SLC25A13: variants seen among roughly 807,000 people sequenced by gnomAD.
The protein encoded by SLC25A13 is solute carrier family 25 member 13, also known as electrogenic aspartate/glutamate antiporter SLC25A13, mitochondrial.
In SLC25A13, 70 loss-of-function variants were observed where a neutral mutation model predicts 85.5. That is an observed-to-expected ratio of 0.82 (90% CI 0.68 to 1.00). The LOEUF (loss-of-function observed/expected upper bound fraction) is 1.00. SLC25A13 is among the 50% of genes least tolerant of loss of function. The probability of loss-of-function intolerance (pLI) is 0.00; values close to 1 mark genes in which losing one functional copy is unlikely to be tolerated. For missense variants in SLC25A13, 765 were observed against 819.8 expected (o/e 0.93, Z 0.82); for synonymous variants, 259 against 288.7 (o/e 0.90, Z 1.04).
intron 1 of SLC25A13, among the ~76,000 whole-genome samples, chr7:96,307,077 T>C (rs1799772579): frequency 6.6e-6 from 1 of 152,054 alleles, no homozygotes; most frequent in Non-Finnish European, 1.5e-5. Flanking sequence ...GGTGAGGGGG[T>C]TAGCCCTTCC....
rs534436264 is a variant in SLC25A13 at position 96,210,094 on chromosome 7, C to T, written c.329-1117G>A. On this transcript the variant is annotated intron_variant, in intron 4 of 17. Transcript: ENST00000265631. Reference sequence around the variant, plus strand: ...CATTATACCCACAGTTTTTATTCCACGTTTTTAAAGTTTCCAGAAATTTTT... The same window carrying T: ...CATTATACCCACAGTTTTTATTCCATGTTTTTAAAGTTTCCAGAAATTTTT... Among the ~76,000 whole-genome samples the T allele has an allele frequency of 2.0e-5, 3 of 152,232 alleles. No homozygotes were observed. The South Asian group carries it at 6.2e-4, about 32-fold the overall frequency.
At chr7:96,140,653 T>A (rs1792506776) in intron 14 of SLC25A13, among the ~76,000 whole-genome samples, 1 of 152,014 alleles carries the variant, frequency 6.6e-6, no homozygotes, top group South Asian at 2.1e-4. Flanking sequence ...TCTGCCCGCA[T>A]CGGTCTCCCA....
chr7:96,146,544 A>T lies in SLC25A13; in HGVS notation c.1452+12T>A. The T allele has an allele frequency of 6.2e-7, 1 of 1,611,796 alleles. No homozygotes were observed. Among genetic ancestry groups the T allele is most frequent in the Non-Finnish European group, 8.5e-7 (1 of 1,179,468 alleles). ...GTAATCAAATAAATGACTAAAAAAA[A>T]AAAAAAGTTACCTTGTAGATCCCAA... On this transcript the variant is annotated intron_variant, in intron 14 of 17. Transcript: ENST00000265631.
At chr7:96,122,555 T>C (rs1584335503) in intron 15 of SLC25A13, among the ~76,000 whole-genome samples, 1 of 151,558 alleles carries the variant, frequency 6.6e-6, no homozygotes, top group African/African-American at 2.4e-5. Flanking sequence ...AAACACTATG[T>C]GTGTTGGGGG....
intron 15 of SLC25A13, among the ~76,000 whole-genome samples, chr7:96,125,017 C>T (rs1791667719): frequency 6.6e-6 from 1 of 152,172 alleles, no homozygotes; most frequent in Non-Finnish European, 1.5e-5. Flanking sequence ...ATACCAAAGT[C>T]AGCAATAATG....
At position 96,291,059 on chromosome 7, in the gene SLC25A13, C is replaced by G. The variant is rs150943612; in HGVS notation, c.69+5839G>C. ...GCCCTCTTCAGCAAATGTAAAAGAA[C>G]AGAAACTATAACAAACTGTCTCTCA... is the stretch of plus-strand genomic sequence containing the variant. On this transcript the variant is annotated intron_variant, in intron 2 of 17. Transcript: ENST00000265631. Among the ~76,000 whole-genome samples, 1,443 of 152,286 alleles carry G rather than the reference C, an allele frequency of 9.5e-3. 17 individuals carry two copies. Among genetic ancestry groups the G allele is most frequent in the Middle Eastern group, 0.041 (12 of 294 alleles).
intron 1 of SLC25A13, among the ~76,000 whole-genome samples, chr7:96,308,814 G>T (rs1799853142): frequency 6.6e-6 from 1 of 152,156 alleles, no homozygotes; most frequent in African/African-American, 2.4e-5. Context: ...GGACAAAGGG[G>T]CAATGTTCTT....
chr7:96,200,322 A>T (rs1392525306), intron 5 of SLC25A13, among the ~76,000 whole-genome samples: 1 of 151,110 alleles, frequency 6.6e-6, no homozygotes, highest in African/African-American at 2.4e-5. Flanking sequence ...TATCACATTT[A>T]GCCCAAACAA....
intron 14 of SLC25A13, among the ~76,000 whole-genome samples, chr7:96,137,000 A>C (rs1483086261): frequency 6.6e-6 from 1 of 152,142 alleles, no homozygotes; most frequent in Non-Finnish European, 1.5e-5. Context: ...TGGCATGTAT[A>C]ATTATATATT....
At chr7:96,123,784 G>T (rs887797880) in intron 15 of SLC25A13, among the ~76,000 whole-genome samples, 2 of 152,180 alleles carry the variant, frequency 1.3e-5, no homozygotes, top group African/African-American at 4.8e-5. Flanking sequence ...AAGCAAGGCT[G>T]GGAAAGCAGC....
intron 3 of SLC25A13, among the ~76,000 whole-genome samples, chr7:96,256,820 TA>T (rs1383010379): frequency 6.6e-6 from 1 of 152,090 alleles, no homozygotes; most frequent in African/African-American, 2.4e-5. Flanking sequence ...TAATTGGAAG[TA>T]AAACACTCCT....
At chr7:96,214,935 T>C (rs1315019054) in intron 4 of SLC25A13, among the ~76,000 whole-genome samples, 2 of 152,130 alleles carry the variant, frequency 1.3e-5, no homozygotes, top group East Asian at 1.9e-4. Flanking sequence ...ATTGTTAAGA[T>C]GGCAAAACTC....
At chr7:96,255,025 C>G (rs1797576970) in intron 3 of SLC25A13, among the ~76,000 whole-genome samples, 1 of 152,052 alleles carries the variant, frequency 6.6e-6, no homozygotes, top group South Asian at 2.1e-4. Flanking sequence ...AATGAACCTC[C>G]CTATATATAT....
rs1030812580 is a variant in SLC25A13, at chr7:96,305,011, G to A, written c.16-8060C>T. On this transcript the variant is annotated intron_variant, in intron 1 of 17. Coordinates refer to ENST00000265631, the MANE Select transcript of SLC25A13 (RefSeq NM_014251.3). ...TATTATTAATTATAACGATAACAAT[G>A]ACCAGCTAACTTTTACTGGGTCCTT... is the stretch of plus-strand genomic sequence containing the variant. Among the ~76,000 whole-genome samples the A allele has an allele frequency of 5.3e-5, 8 of 152,262 alleles. No individual in the cohort carries two copies. In the East Asian group the frequency reaches 1.5e-3, roughly 29 times the overall value.
chr7:96,239,179 A>G (rs1036086770), intron 3 of SLC25A13, among the ~76,000 whole-genome samples: 1 of 149,314 alleles, frequency 6.7e-6, no homozygotes, highest in African/African-American at 2.4e-5. Context: ...AAAGGTATGT[A>G]ATTTGGTAAT....
chr7:96,125,175 G>A (rs954958114), intron 15 of SLC25A13, among the ~76,000 whole-genome samples: 1 of 151,762 alleles, frequency 6.6e-6, no homozygotes, highest in Admixed American at 6.6e-5. Context: ...TGCAACCTCC[G>A]CCTCCCAGGC....
At chr7:96,125,318 C>T (rs1791681143) in intron 15 of SLC25A13, among the ~76,000 whole-genome samples, 1 of 152,156 alleles carries the variant, frequency 6.6e-6, no homozygotes, top group Admixed American at 6.5e-5. Context: ...TCTCGAACTC[C>T]TGACCTCAGG....
chr7:96,242,186 T>G (rs1200861638), intron 3 of SLC25A13, among the ~76,000 whole-genome samples: 1 of 152,170 alleles, frequency 6.6e-6, no homozygotes, highest in East Asian at 1.9e-4. Flanking sequence ...ATGGCAGAGA[T>G]GAAAGTAAAA....
At chr7:96,222,635 G>A (rs1312870593) in intron 4 of SLC25A13, among the ~76,000 whole-genome samples, 1 of 151,974 alleles carries the variant, frequency 6.6e-6, no homozygotes, top group Non-Finnish European at 1.5e-5. Context: ...TAGTAGCGAC[G>A]GGGTTTCACC....
Sources: gnomAD v4.1 joint callset for allele counts (sites outside exome capture counted in the v4.1 genomes callset) on GRCh38, gnomAD v4.1.1 for gene constraint, MANE v1.5 for transcripts, NCBI Gene and HGNC (gene_info 2026-07-23, HGNC 2026-07-21) for gene names.